RASGRF1: variants seen among roughly 807,000 people sequenced by gnomAD.
RASGRF1 encodes Ras protein specific guanine nucleotide releasing factor 1.
Under a neutral mutation model 138.7 loss-of-function variants are expected in RASGRF1, and 40 were observed. The ratio of observed to expected loss-of-function variants is 0.29; its 90% confidence interval spans 0.22 to 0.38. The LOEUF (loss-of-function observed/expected upper bound fraction) is 0.38, where lower values mean the gene tolerates loss of function less well. RASGRF1 is among the 10% of genes least tolerant of loss of function. RASGRF1 has a pLI of 1.00. For missense variants in RASGRF1, 1,108 were observed against 1,650.4 expected (o/e 0.67, Z 5.69); for synonymous variants, 614 against 663.2 (o/e 0.93, Z 1.14).
At chr15:78,995,221 G>A (rs906131814) in intron 20 of RASGRF1, among the ~76,000 whole-genome samples, 1 of 151,666 alleles carries the variant, frequency 6.6e-6, no homozygotes, top group Non-Finnish European at 1.5e-5. Context: ...GAGCCACCAC[G>A]CCTGGCCTCC....
rs185947932 is a variant in RASGRF1, at chr15:78,998,515, C to T, written c.2853+204G>A. On this transcript the variant is annotated intron_variant, in intron 18 of 26. Coordinates refer to ENST00000558480, the MANE Select transcript of RASGRF1 (RefSeq NM_001145648.3). ...GGTGGATAGACAGAGACCCATTGTC[C>T]CTTCCATGTCCTTTGTTCCCTCCTA... 1.8e-3 allele frequency among the ~76,000 whole-genome samples: 269 copies of T among 152,356 alleles called. 2 individuals carry two copies. The highest frequency in any genetic ancestry group is 6.2e-3 in the African/African-American group (257 of 41,584).
intron 3 of RASGRF1, 24 bp from the exon 4 acceptor site, chr15:79,049,612 C>T: frequency 1.9e-6 from 3 of 1,599,138 alleles, no homozygotes; most frequent in Non-Finnish European, 2.6e-6. Flanking sequence ...ACAGGTCAGC[C>T]TGTGAGGGGC....
At chr15:79,071,444 C>T (rs2057754147) in intron 1 of RASGRF1, among the ~76,000 whole-genome samples, 1 of 151,722 alleles carries the variant, frequency 6.6e-6, no homozygotes, top group South Asian at 2.1e-4. Context: ...ATTGCAACCT[C>T]CACCTTCCAG....
At chr15:79,036,772 G>C (rs1244559784) in intron 5 of RASGRF1, among the ~76,000 whole-genome samples, 2 of 152,060 alleles carry the variant, frequency 1.3e-5, no homozygotes, top group Non-Finnish European at 2.9e-5. Context: ...GAGAGAGAAA[G>C]GGGTGAGGGA....
chr15:79,012,357 A>T (rs1035186108), intron 13 of RASGRF1: 2 of 693,284 alleles, frequency 2.9e-6, no homozygotes, highest in Non-Finnish European at 5.1e-6. Flanking sequence ...TAGATCTATC[A>T]CTCATCTTCT....
intron 10 of RASGRF1, among the ~76,000 whole-genome samples, chr15:79,024,413 A>G (rs2057015138): frequency 6.6e-6 from 1 of 152,018 alleles, no homozygotes; most frequent in Non-Finnish European, 1.5e-5. Context: ...ACACAAATAT[A>G]TACACACACA....
chr15:79,017,950 C>T (rs1483505978), intron 11 of RASGRF1, 44 bp from the exon 12 acceptor site: 5 of 1,604,576 alleles, frequency 3.1e-6, no homozygotes, highest in Admixed American at 1.7e-5. Context: ...AATGTGGACG[C>T]CTTTTCAGGT....
chr15:79,003,248 C>G (rs1035569756), intron 15 of RASGRF1, among the ~76,000 whole-genome samples: 1 of 152,260 alleles, frequency 6.6e-6, no homozygotes, highest in African/African-American at 2.4e-5. Flanking sequence ...TGAGATCGAA[C>G]AGTTCTTCCG....
At chr15:78,986,623 A>C (rs1192311989) in intron 22 of RASGRF1, among the ~76,000 whole-genome samples, 2 of 152,132 alleles carry the variant, frequency 1.3e-5, no homozygotes, top group Admixed American at 1.3e-4. Flanking sequence ...TTGGGATTAC[A>C]GGTGTGAGCC....
Position 79,063,156 on chromosome 15 carries a change from T to G in RASGRF1, c.383+1264A>C, listed in dbSNP as rs545282845. On this transcript the variant is annotated intron_variant, in intron 2 of 26. Coordinates refer to ENST00000558480, the MANE Select transcript of RASGRF1 (RefSeq NM_001145648.3). ...TATACACCAGAGCTACCTGTGCATA[T>G]GTCTAATGTCTACCTGATTAGACTG... Among the ~76,000 whole-genome samples the G allele has an allele frequency of 1.4e-4, 22 of 152,350 alleles. No individual in the cohort carries two copies. The South Asian group carries it at 4.1e-3, about 29-fold the overall frequency.
Position 79,003,493 on chromosome 15 carries a change from C to T in RASGRF1, c.2449+309G>A, listed in dbSNP as rs547119761. 1.5e-4 allele frequency among the ~76,000 whole-genome samples: 23 copies of T among 152,336 alleles called. No individual in the cohort carries two copies. In the South Asian group the frequency reaches 4.8e-3, roughly 32 times the overall value. On this transcript the variant is annotated intron_variant, in intron 15 of 26. Coordinates refer to ENST00000558480, the MANE Select transcript of RASGRF1 (RefSeq NM_001145648.3). ...CAGACATGGACAAACACAGGGATGCCGTAGGATGCTGTGGTCAGGGCAGAG... is the reference window on the plus strand; with the variant it reads ...CAGACATGGACAAACACAGGGATGCTGTAGGATGCTGTGGTCAGGGCAGAG...
chr15:79,046,772 G>A lies in RASGRF1; in HGVS notation c.852C>T (p.Asp284=), dbSNP rs754755775. The change falls in exon 5 of 27, where the codon GAC becomes GAT. Residue 284 remains aspartate (D), a synonymous_variant. Coordinates refer to ENST00000558480, the MANE Select transcript of RASGRF1 (RefSeq NM_001145648.3). This position sits in a 1 kb window ranked among gnomAD's most constrained non-coding sequence, Gnocchi z 5.3. Reference sequence around the variant, plus strand: ...TGTTCAGGAAGATGCTGCTGACGTCGTCGTGTGTGATGGGAGGCTTCTTGG... The same window carrying A: ...TGTTCAGGAAGATGCTGCTGACGTCATCGTGTGTGATGGGAGGCTTCTTGG... The part of the protein sequence containing the change: ...ASSKKPPITH[D]DVSSIFLNSE... The A allele has an allele frequency of 1.3e-5, 21 of 1,614,130 alleles. No individual in the cohort carries two copies. Among genetic ancestry groups the A allele is most frequent in the East Asian group, 4.5e-5 (2 of 44,902 alleles).
chr15:79,024,983 AACACACACAG>A (rs1467294177), intron 10 of RASGRF1, among the ~76,000 whole-genome samples: 1 of 151,508 alleles, frequency 6.6e-6, no homozygotes, highest in African/African-American at 2.4e-5. Flanking sequence ...CATACACACA[AACACACACAG>A]ACACACACAC....
At chr15:79,011,540 C>A (rs1402072206) in intron 13 of RASGRF1, among the ~76,000 whole-genome samples, 1 of 152,208 alleles carries the variant, frequency 6.6e-6, no homozygotes, top group Non-Finnish European at 1.5e-5. Flanking sequence ...CCCTCTGTGT[C>A]CCCTGCCCAA....
At position 79,046,324 on chromosome 15, in the gene RASGRF1, G is replaced by T. The variant is rs182052846; in HGVS notation, c.878+422C>A. ...ACATTTAAACCAGGGTTCCTTAACC[G>T]TGGCACTACTGACATTGTAGTTGGA... On this transcript the variant is annotated intron_variant, in intron 5 of 26. Coordinates refer to ENST00000558480, the MANE Select transcript of RASGRF1 (RefSeq NM_001145648.3). This position sits in a 1 kb window ranked among gnomAD's most constrained non-coding sequence, Gnocchi z 5.3. Among the ~76,000 whole-genome samples, 3 of 152,300 alleles carry T rather than the reference G, an allele frequency of 2.0e-5. No individual in the cohort carries two copies. Among genetic ancestry groups the T allele is most frequent in the Admixed American group, 2.0e-4 (3 of 15,302 alleles).
chr15:79,020,199 G>GATGCTCCTTGTTAA, intron 10 of RASGRF1, 95 bp from the exon 11 acceptor site: 1 of 1,160,374 alleles, frequency 8.6e-7, no homozygotes, highest in Non-Finnish European at 1.3e-6. Flanking sequence ...CTTTAACAAG[G>GATGCTCCTTGTTAA]AGCATCCATG....
At chr15:79,049,472 G>T in intron 4 of RASGRF1, 24 bp downstream of exon 4, 1 of 1,608,894 alleles carries the variant, frequency 6.2e-7, no homozygotes, top group Non-Finnish European at 8.5e-7. Context: ...TCCAAAGAAG[G>T]CCACCCAGAG....
intron 23 of RASGRF1, 121 bp downstream of exon 23, chr15:78,984,886 T>A: frequency 9.5e-7 from 1 of 1,057,818 alleles, no homozygotes. Context: ...TACCTGGGAG[T>A]GTTAGACCTC....
chr15:79,013,123 T>C (rs1410921360), intron 13 of RASGRF1, among the ~76,000 whole-genome samples: 1 of 152,260 alleles, frequency 6.6e-6, no homozygotes, highest in Admixed American at 6.5e-5. Context: ...GGTATTATCA[T>C]GTCCCCCATT....
Sources: allele counts gnomAD v4.1 joint callset (sites outside exome capture counted in the v4.1 genomes callset), GRCh38; gene constraint gnomAD v4.1.1; non-coding constraint Gnocchi (gnomAD v3.1); transcripts MANE v1.5; gene names NCBI Gene and HGNC (gene_info 2026-07-23, HGNC 2026-07-21).